Variants in TPD52 observed in about 807,000 individuals in gnomAD.
TPD52 encodes the protein prostate and colon associated protein.
Under a neutral mutation model 31.3 loss-of-function variants are expected in TPD52, and 17 were observed. The ratio of observed to expected loss-of-function variants is 0.54; its 90% CI spans 0.37 to 0.82. The LOEUF (loss-of-function observed/expected upper bound fraction) is 0.82. Among genes scored for constraint, TPD52 ranks in the 40% least tolerant of loss-of-function variants. The probability of loss-of-function intolerance (pLI) is 0.00; values close to 1 mark genes in which losing one functional copy is unlikely to be tolerated. For synonymous variants in TPD52, 83 were observed against 89.6 expected, an observed-to-expected ratio of 0.93 and a Z score of 0.42; for missense variants, 212 against 240.1, an observed-to-expected ratio of 0.88 and a Z score of 0.77.
At chr8:80,094,468 A>ATATG (rs1816566634) in intron 1 of TPD52, among the ~76,000 whole-genome samples, 1 of 115,966 alleles carries the variant, frequency 8.6e-6, no homozygotes, top group East Asian at 2.5e-4. Flanking sequence ...ATATATATAT[A>ATATG]TATATATATA....
At chr8:80,110,572 T>TAATA (rs1406882124) in intron 1 of TPD52, among the ~76,000 whole-genome samples, 8 of 129,966 alleles carry the variant, frequency 6.2e-5, no homozygotes, top group Admixed American at 1.6e-4. Context: ...AGTATAATAA[T>TAATA]AATAAATAAA....
chr8:80,056,431 C>A (rs1811895520), intron 2 of TPD52, among the ~76,000 whole-genome samples: 1 of 152,110 alleles, frequency 6.6e-6, no homozygotes, highest in African/African-American at 2.4e-5. Flanking sequence ...AGACAACCAA[C>A]AGAATGGGGA....
At chr8:80,131,577 GT>G (rs1809021068) in intron 1 of TPD52, among the ~76,000 whole-genome samples, 1 of 152,118 alleles carries the variant, frequency 6.6e-6, no homozygotes, top group Non-Finnish European at 1.5e-5. Context: ...GGTGGCTTTT[GT>G]AGCAAGAGTC....
Position 80,139,347 on chromosome 8 carries a change from G to A in TPD52, c.19+32078C>T, listed in dbSNP as rs769387443. Among the ~76,000 whole-genome samples the A allele has an allele frequency of 3.3e-5, 5 of 151,986 alleles. No homozygotes were observed. In the South Asian group the frequency reaches 8.3e-4, roughly 25 times the overall value. ...TTCACAGAGTTATGCAAACATCACCGCAATCTAATTTTCATACCCCAAAAA... is the reference window on the plus strand; with the variant it reads ...TTCACAGAGTTATGCAAACATCACCACAATCTAATTTTCATACCCCAAAAA... On this transcript the variant is annotated intron_variant, in intron 1 of 7. Coordinates refer to ENST00000518937, the MANE Select transcript of TPD52 (RefSeq NM_001025253.3).
chr8:80,053,017 CA>C, intron 3 of TPD52: 2 of 296,022 alleles, frequency 6.8e-6, no homozygotes, highest in Non-Finnish European at 6.3e-6. Context: ...ATATTTGTGG[CA>C]AGTCAATACA....
intron 2 of TPD52, among the ~76,000 whole-genome samples, chr8:80,057,956 T>C (rs1258537132): frequency 6.6e-6 from 1 of 152,212 alleles, no homozygotes; most frequent in Non-Finnish European, 1.5e-5. Flanking sequence ...TCCTCTTCCA[T>C]CAATCATAAT....
Position 80,063,696 on chromosome 8 carries a change from C to T in TPD52, c.135+782G>A, listed in dbSNP as rs540315484. Among the ~76,000 whole-genome samples, 22 of 151,838 alleles carry T rather than the reference C, an allele frequency of 1.4e-4. 1 individual carries two copies. Among genetic ancestry groups the T allele is most frequent in the Non-Finnish European group, 3.1e-4 (21 of 67,968 alleles). On this transcript the variant is annotated intron_variant, in intron 2 of 7. Coordinates refer to ENST00000518937, the MANE Select transcript of TPD52 (RefSeq NM_001025253.3). Reference sequence around the variant, plus strand: ...CCTGTAATCCCAGCTACTCAGGAGGCTGAGGCAGGAGAATCACTTGAACCC... The same window carrying T: ...CCTGTAATCCCAGCTACTCAGGAGGTTGAGGCAGGAGAATCACTTGAACCC...
intron 1 of TPD52, among the ~76,000 whole-genome samples, chr8:80,128,728 G>A (rs915558496): frequency 1.3e-5 from 2 of 151,660 alleles, no homozygotes; most frequent in African/African-American, 4.8e-5. Context: ...AACAGTATCA[G>A]ACAGATACTA....
chr8:80,087,638 C>T (rs1815915633), intron 1 of TPD52, among the ~76,000 whole-genome samples: 1 of 152,198 alleles, frequency 6.6e-6, no homozygotes, highest in Non-Finnish European at 1.5e-5. Flanking sequence ...CACACAGGCA[C>T]ATACCGGCTC....
intron 1 of TPD52, among the ~76,000 whole-genome samples, chr8:80,133,764 T>A (rs1809192970): frequency 6.9e-6 from 1 of 145,072 alleles, no homozygotes; most frequent in African/African-American, 2.6e-5. Context: ...GTACCGCTGA[T>A]GCTAAAAAAA....
At position 80,095,362 on chromosome 8, in the gene TPD52, G is replaced by C. The variant is rs1330569458; in HGVS notation, c.20-30769C>G. On this transcript the variant is annotated intron_variant, in intron 1 of 7. Transcript: ENST00000518937. ...AAGATCAATGGTTACCAAGGGCTGA[G>C]GGGGAGGCAAGCAGGAATGACTAGG... is the stretch of plus-strand genomic sequence containing the variant. 2.0e-5 allele frequency among the ~76,000 whole-genome samples: 3 copies of C among 152,136 alleles called. No individual in the cohort carries two copies. The East Asian group carries it at 5.8e-4, about 29-fold the overall frequency.
At chr8:80,130,035 G>A (rs1466016877) in intron 1 of TPD52, among the ~76,000 whole-genome samples, 2 of 152,182 alleles carry the variant, frequency 1.3e-5, no homozygotes, top group Non-Finnish European at 2.9e-5. Flanking sequence ...CTGGATAAGA[G>A]GTCAGCCAGG....
intron 1 of TPD52, chr8:80,171,189 C>CCACACACGCACACTCACACT: frequency 8.6e-6 from 6 of 701,506 alleles, no homozygotes; most frequent in Non-Finnish European, 5.2e-6. Context: ...TCCCTCTCCC[C>CCACACACGCACACTCACACT]CACACACGCA....
chr8:80,100,365 A>C (rs73691173), intron 1 of TPD52, among the ~76,000 whole-genome samples: 4,695 of 152,302 alleles, frequency 0.031, 235 homozygotes, highest in African/African-American at 0.11. Flanking sequence ...TCCCCTTTAC[A>C]GATTGTACTC....
chr8:80,048,368 CCTT>C (rs1278257790), intron 5 of TPD52, among the ~76,000 whole-genome samples: 19 of 152,238 alleles, frequency 1.2e-4, no homozygotes, highest in African/African-American at 4.6e-4. Flanking sequence ...TGCATTTTCT[CCTT>C]CTATATCCAT....
At chr8:80,166,214 G>A (rs1397951935) in intron 1 of TPD52, among the ~76,000 whole-genome samples, 2 of 152,124 alleles carry the variant, frequency 1.3e-5, no homozygotes, top group Non-Finnish European at 2.9e-5. Flanking sequence ...TCAAGAGGCT[G>A]AGGCAGGAGA....
At chr8:80,151,785 T>C (rs1810585441) in intron 1 of TPD52, among the ~76,000 whole-genome samples, 1 of 152,226 alleles carries the variant, frequency 6.6e-6, no homozygotes, top group African/African-American at 2.4e-5. Context: ...TTTTATAGAA[T>C]GGAGGCTGCC....
intron 7 of TPD52, among the ~76,000 whole-genome samples, chr8:80,039,293 C>A (rs1281986415): frequency 6.6e-6 from 1 of 152,206 alleles, no homozygotes; most frequent in African/African-American, 2.4e-5. Flanking sequence ...ACTCCTTCCC[C>A]CGACAACTAG....
At chr8:80,060,145 G>GAA (rs746243724) in intron 2 of TPD52, among the ~76,000 whole-genome samples, 1 of 124,224 alleles carries the variant, frequency 8.0e-6, no homozygotes, top group African/African-American at 3.0e-5. Flanking sequence ...TAGACTGACC[G>GAA]AAAAAAAAAA....
Sources: allele counts gnomAD v4.1 joint callset (sites outside exome capture counted in the v4.1 genomes callset), GRCh38; gene constraint gnomAD v4.1.1; transcripts MANE v1.5; gene names NCBI Gene and HGNC (gene_info 2026-07-23, HGNC 2026-07-21).